Variants in CNGB1 observed in about 807,000 individuals in gnomAD.
The protein encoded by CNGB1 is cyclic nucleotide-gated channel beta-1.
CNGB1 carries 126 observed loss-of-function variants against 151.7 expected under a neutral mutation model. The observed-to-expected ratio is 0.83, with a 90% confidence interval of 0.72 to 0.96. The LOEUF is 0.96. Ranked by LOEUF, CNGB1 falls within the 40% of genes least tolerant of loss-of-function variation. The probability of loss-of-function intolerance (pLI) is 0.00; values close to 1 mark genes in which losing one functional copy is unlikely to be tolerated. For missense variants in CNGB1, 1,698 were observed against 1,627.0 expected (o/e 1.04, Z -0.75); for synonymous variants, 623 against 635.1 (o/e 0.98, Z 0.29).
chr16:57,962,036 A>G (rs1370796126), intron 7 of CNGB1, among the ~76,000 whole-genome samples: 1 of 152,220 alleles, frequency 6.6e-6, no homozygotes. Context: ...CTGGCCACAC[A>G]GGGCCTAAAC....
Position 57,901,476 on chromosome 16 carries a change from T to C in CNGB1, c.2893-41A>G, listed in dbSNP as rs116754873. 1,554 of 1,613,442 alleles carry C rather than the reference T, an allele frequency of 9.6e-4. 12 individuals are homozygous for C. The African/African-American group carries it at 0.018, about 18-fold the overall frequency. On this transcript the variant is annotated intron_variant, in intron 28 of 32. Transcript: ENST00000251102. The stretch of plus-strand genomic sequence containing the variant: ...AGGGAAAGGAACTTTTTAGAGAAGA[T>C]TGGGCTTGGAGCCTCCCACAGCCCT...
At chr16:57,944,876 C>A (rs1208747648) in intron 14 of CNGB1, among the ~76,000 whole-genome samples, 2 of 150,072 alleles carry the variant, frequency 1.3e-5, no homozygotes, top group African/African-American at 4.9e-5. Context: ...ATCGCTTGAA[C>A]CCAGGAGGCA....
At chr16:57,911,255 C>A (rs1174326768) in intron 25 of CNGB1, among the ~76,000 whole-genome samples, 1 of 152,142 alleles carries the variant, frequency 6.6e-6, no homozygotes, top group Non-Finnish European at 1.5e-5. Flanking sequence ...GCTCAGGAAA[C>A]CTTAGCTTGG....
chr16:57,950,060 A>G (rs1384263188), intron 13 of CNGB1, among the ~76,000 whole-genome samples: 3 of 152,358 alleles, frequency 2.0e-5, no homozygotes, highest in Middle Eastern at 3.4e-3. Flanking sequence ...GATGCCCTCT[A>G]TATCCTGAAT....
chr16:57,889,316 T>C (rs988530637), intron 31 of CNGB1, among the ~76,000 whole-genome samples: 7 of 152,204 alleles, frequency 4.6e-5, no homozygotes, highest in African/African-American at 1.4e-4. Flanking sequence ...CTTGATGACT[T>C]TGATGTAGGG....
intron 2 of CNGB1, among the ~76,000 whole-genome samples, chr16:57,966,827 C>T (rs527576168): frequency 6.6e-6 from 1 of 152,142 alleles, no homozygotes; most frequent in Non-Finnish European, 1.5e-5. Flanking sequence ...TCATGCATTA[C>T]CTATAACTGT....
At chr16:57,896,400 G>A (rs1835504170) in intron 31 of CNGB1, among the ~76,000 whole-genome samples, 1 of 152,114 alleles carries the variant, frequency 6.6e-6, no homozygotes, top group South Asian at 2.1e-4. Flanking sequence ...AACCCCAACT[G>A]AGGGGCATTC....
rs571962453 is a variant in CNGB1 at position 57,940,146 on chromosome 16, C to T, written c.1209+88G>A. 6.9e-6 allele frequency: 9 copies of T among 1,308,082 alleles called. No individual in the cohort carries two copies. The East Asian group carries it at 2.3e-4, about 33-fold the overall frequency. The allele number at this position is 1,308,082 out of a possible 1,614,324, so 81.0% of individuals were successfully genotyped here. On this transcript the variant is annotated intron_variant, in intron 15 of 32. Transcript: ENST00000251102. Reference sequence around the variant, plus strand: ...GCGGGCATCTTACCAGCCAAAACTCCCCCTGTAAGCAAAGTGGACAAGGTC... The same window carrying T: ...GCGGGCATCTTACCAGCCAAAACTCTCCCTGTAAGCAAAGTGGACAAGGTC...
rs71155213 is a variant in CNGB1 at position 57,882,799 on chromosome 16, C to CTTTTTT, written c.*1359_*1364dup. ...CCTTTTTTCTTTTTTTTTCTTTTTT[C>CTTTTTT]TTTTTTTTTTTTTGTCTGAATCATA... On this transcript the variant is annotated 3_prime_UTR_variant, in exon 33 of 33. Transcript: ENST00000251102. 7.3e-6 allele frequency: 1 copy of CTTTTTT among 136,066 alleles called. No homozygotes were observed. The highest frequency in any genetic ancestry group is 1.6e-5 in the Non-Finnish European group (1 of 62,956). The allele number at this position is 136,066 out of a possible 1,614,324, so 8.4% of individuals were successfully genotyped here.
chr16:57,911,915 G>A (rs149722515), intron 24 of CNGB1, 40 bp from the exon 25 acceptor site: 131 of 1,609,388 alleles, frequency 8.1e-5, no homozygotes, highest in East Asian at 1.1e-4. Flanking sequence ...GCGGCGGAAG[G>A]GGGAGGTGAG....
rs746598185 is a variant in CNGB1, at chr16:57,904,827, C to A, written c.2541G>T (p.Gly847=). The A allele has an allele frequency of 1.2e-6, 2 of 1,613,972 alleles. No homozygotes were observed. The highest frequency in any genetic ancestry group is 1.7e-6 in the Non-Finnish European group (2 of 1,180,032). The change falls in exon 26 of 33, where the codon GGG becomes GGT. Residue 847 remains glycine (G), a synonymous_variant. Coordinates refer to ENST00000251102, the MANE Select transcript of CNGB1 (RefSeq NM_001297.5). ...YFAVKTLITI[G]GLPDPKTLFE... Reference sequence around the variant, plus strand: ...AGAGTGTCTTGGGGTCAGGCAGCCCCCCGATGGTGATGAGGGTCTTCACAG... The same window carrying A: ...AGAGTGTCTTGGGGTCAGGCAGCCCACCGATGGTGATGAGGGTCTTCACAG...
intron 13 of CNGB1, 129 bp from the exon 14 acceptor site, chr16:57,949,568 C>T: frequency 2.7e-6 from 4 of 1,492,498 alleles, no homozygotes; most frequent in Middle Eastern, 3.5e-4. Flanking sequence ...AACCAAGGCT[C>T]AACCTGGGGA....
rs1393955080 is a variant in CNGB1 at position 57,917,329 on chromosome 16, T to C, written c.2105A>G (p.Tyr702Cys). 4 of 1,613,878 alleles carry C rather than the reference T, an allele frequency of 2.5e-6. No individual in the cohort carries two copies. The South Asian group carries it at 4.4e-5, about 18-fold the overall frequency. ...LLMDYLCDLI[Y>C]FLDITVFQTR... ...CTGGAACACGGTGATGTCCAGGAAG[T>C]AGATGAGGTCGCATAGGTAATCCAT... The change falls in exon 21 of 33, where the codon TAC becomes TGC. Residue 702 changes from tyrosine to cysteine, a missense_variant. Transcript: ENST00000251102.
At chr16:57,925,908 G>A (rs1453916996) in intron 17 of CNGB1, among the ~76,000 whole-genome samples, 5 of 151,960 alleles carry the variant, frequency 3.3e-5, no homozygotes, top group Admixed American at 1.3e-4. Context: ...GGCTGGTCTC[G>A]AACTCCTGAC....
chr16:57,914,080 C>T, intron 23 of CNGB1, among the ~76,000 whole-genome samples: 1 of 152,340 alleles, frequency 6.6e-6, no homozygotes, highest in African/African-American at 2.4e-5. Context: ...GTTCCAGCCA[C>T]AGTTTAAACT....
At chr16:57,967,421 C>T (rs775444236) in intron 1 of CNGB1, 127 bp from the exon 2 acceptor site, 47 of 941,936 alleles carry the variant, frequency 5.0e-5, no homozygotes, top group Middle Eastern at 2.8e-4. Context: ...CGACTGGGTG[C>T]GGTGGCTCAC....
In CNGB1 at chr16:57,929,476, G is replaced by GGAGAGAGAGAGA. The variant is rs59227159; in HGVS notation, c.1535+2228_1535+2239dup. On this transcript the variant is annotated intron_variant, in intron 17 of 32. Transcript: ENST00000251102. Reference sequence around the variant, plus strand: ...GAGGGAGAGAGGAAAAGAGAGAGAGGGAGAGAGAGAGAGACTTTTTCTTTT... The same window carrying GGAGAGAGAGAGA: ...GAGGGAGAGAGGAAAAGAGAGAGAGGGAGAGAGAGAGAGAGAGAGAGAGAGACTTTTTCTTTT... 5.2e-3 allele frequency among the ~76,000 whole-genome samples: 754 copies of GGAGAGAGAGAGA among 145,846 alleles called. 12 individuals are homozygous for GGAGAGAGAGAGA. The highest frequency in any genetic ancestry group is 0.019 in the African/African-American group (716 of 38,224).
chr16:57,933,850 G>C (rs1961430046), intron 16 of CNGB1, among the ~76,000 whole-genome samples: 1 of 151,310 alleles, frequency 6.6e-6, no homozygotes. Context: ...AGACTCCTGA[G>C]TAGCTGGGAT....
At chr16:57,939,948 C>T (rs1221931446) in intron 15 of CNGB1, among the ~76,000 whole-genome samples, 1 of 152,188 alleles carries the variant, frequency 6.6e-6, no homozygotes, top group Non-Finnish European at 1.5e-5. Context: ...GTAGCCCCCT[C>T]GTGCACAGGT....
Sources: gnomAD v4.1 joint callset for allele counts (sites outside exome capture counted in the v4.1 genomes callset) on GRCh38, gnomAD v4.1.1 for gene constraint, MANE v1.5 for transcripts, NCBI Gene and HGNC (gene_info 2026-07-23, HGNC 2026-07-21) for gene names.